PCDHGA8: variants seen among roughly 807,000 people sequenced by gnomAD.
The protein encoded by PCDHGA8 is protocadherin gamma-A8.
In PCDHGA8, 45 loss-of-function variants were observed where a neutral mutation model predicts 59.2. That is an observed-to-expected ratio of 0.76 (90% confidence interval 0.60 to 0.98). The LOEUF (loss-of-function observed/expected upper bound fraction) is 0.98. Ranked by LOEUF, PCDHGA8 falls within the 50% of genes least tolerant of loss-of-function variation. The probability of loss-of-function intolerance (pLI) is 0.00; values close to 1 mark genes in which losing one functional copy is unlikely to be tolerated. For synonymous variants in PCDHGA8, 531 were observed against 519.0 expected, an observed-to-expected ratio of 1.02 and a Z score of -0.32; for missense variants, 1,257 against 1,196.2, an observed-to-expected ratio of 1.05 and a Z score of -0.75.
At position 141,505,383 on chromosome 5, in the gene PCDHGA8, C is replaced by G. The variant is rs369765886; in HGVS notation, c.2484-10C>G. On this transcript the variant is annotated splice_polypyrimidine_tract_variant and intron_variant, in intron 2 of 3. Transcript: ENST00000398604. ...GGGAGTCTGTGCTCACCATCCTACT[C>G]TCTCCCCAGCTCCCAAAATGGCGAT... The G allele has an allele frequency of 6.2e-7, 1 of 1,613,944 alleles. No homozygotes were observed. The highest frequency in any genetic ancestry group is 1.3e-5 in the African/African-American group (1 of 74,914).
rs781550738 is a variant in PCDHGA8 at position 141,487,383 on chromosome 5, C to A, written c.2425-7424C>A. On this transcript the variant is annotated intron_variant, in intron 1 of 3. Transcript: ENST00000398604. This position sits in a 1 kb window ranked among gnomAD's most constrained non-coding sequence, Gnocchi z 5.0. Reference sequence around the variant, plus strand: ...GGCACCTGTGCCTGTCTCACCAGATCTCGAAGGAGGGAGGGGCTTCCCCCT... The same window carrying A: ...GGCACCTGTGCCTGTCTCACCAGATATCGAAGGAGGGAGGGGCTTCCCCCT... The A allele has an allele frequency of 3.7e-6, 6 of 1,614,196 alleles. No individual in the cohort carries two copies. The South Asian group carries it at 6.6e-5, about 18-fold the overall frequency.
intron 3 of PCDHGA8, among the ~76,000 whole-genome samples, chr5:141,510,329 A>G (rs1433056614): frequency 6.7e-6 from 1 of 150,230 alleles, no homozygotes; most frequent in South Asian, 2.1e-4. Context: ...AGCACTCTTC[A>G]CCCCCACCCC....
intron 1 of PCDHGA8, chr5:141,409,850 G>T (rs1301108879): frequency 6.2e-7 from 1 of 1,612,142 alleles, no homozygotes; most frequent in South Asian, 1.1e-5. Context: ...GAGCCTGCGC[G>T]TGTTGGTGGG....
In PCDHGA8 at chr5:141,462,417, A is replaced by G. The variant is rs184240612; in HGVS notation, c.2425-32390A>G. 4.0e-4 allele frequency among the ~76,000 whole-genome samples: 61 copies of G among 152,300 alleles called. 1 individual carries two copies. The highest frequency in any genetic ancestry group is 3.2e-3 in the Admixed American group (49 of 15,300). ...TCTTTTATGGCACAGAATATGGTCT[A>G]TCTTGGTGAGTGTTGCTTACACACA... On this transcript the variant is annotated intron_variant, in intron 1 of 3. Transcript: ENST00000398604.
At chr5:141,507,429 G>C (rs1191174823) in intron 3 of PCDHGA8, 3 of 152,238 alleles carry the variant, frequency 2.0e-5, no homozygotes, top group African/African-American at 7.2e-5. Flanking sequence ...AGTGGGGCCA[G>C]GCCTACAGCT....
At chr5:141,415,754 T>TTTG (rs2095935149) in intron 1 of PCDHGA8, 3 of 1,385,710 alleles carry the variant, frequency 2.2e-6, no homozygotes, top group African/African-American at 1.5e-5. Context: ...TTTTTTTTTT[T>TTTG]TTTTTTTTTT....
chr5:141,421,787 C>A (rs753196648), intron 1 of PCDHGA8: 1 of 1,613,812 alleles, frequency 6.2e-7, no homozygotes, highest in East Asian at 2.2e-5. Flanking sequence ...CGGGGCAGAA[C>A]GGATGGGGCC....
At chr5:141,488,069 C>T (rs1197698273) in intron 1 of PCDHGA8, among the ~76,000 whole-genome samples, 1 of 152,072 alleles carries the variant, frequency 6.6e-6, no homozygotes, top group Non-Finnish European at 1.5e-5. Context: ...ATCTTTGTCT[C>T]CCAGTATCTA....
chr5:141,491,233 G>T lies in PCDHGA8; in HGVS notation c.2425-3574G>T. 1 of 1,614,224 alleles carries T rather than the reference G, an allele frequency of 6.2e-7. No homozygotes were observed. The highest frequency in any genetic ancestry group is 2.2e-5 in the East Asian group (1 of 44,890). On this transcript the variant is annotated intron_variant, in intron 1 of 3. Transcript: ENST00000398604. The surrounding 1 kb of genome is among the most constrained non-coding windows in gnomAD (Gnocchi z 6.9). ...CTCCTCCACAGCCACAGTGCTGCTG[G>T]TTCTGGAGGATGAGGACCCTGAGGA...
intron 1 of PCDHGA8, among the ~76,000 whole-genome samples, chr5:141,467,055 C>CTTTTTTTTTTTTTTTTTTT (rs1193465269): frequency 7.4e-6 from 1 of 134,498 alleles, no homozygotes; most frequent in Non-Finnish European, 1.6e-5. Context: ...TCAATGTTTT[C>CTTTTTTTTTTTTTTTTTTT]TTTTTTTTTT....
rs9324852 is a variant in PCDHGA8, at chr5:141,510,333, C to T, written c.2573-614C>T. On this transcript the variant is annotated intron_variant, in intron 3 of 3. Coordinates refer to ENST00000398604, the MANE Select transcript of PCDHGA8 (RefSeq NM_032088.2). ...AGGCTTGGAAGAGCACTCTTCACCC[C>T]CACCCCACACACTTACTAACGGAAC... Among the ~76,000 whole-genome samples the T allele has an allele frequency of 2.4e-3, 367 of 151,698 alleles. 1 individual carries two copies. Among genetic ancestry groups the T allele is most frequent in the African/African-American group, 8.4e-3 (348 of 41,384 alleles).
At chr5:141,492,423 G>C (rs1164828445) in intron 1 of PCDHGA8, among the ~76,000 whole-genome samples, 1 of 152,222 alleles carries the variant, frequency 6.6e-6, no homozygotes, top group African/African-American at 2.4e-5. Context: ...CCCTCCGCCG[G>C]GCTCAGGAGT....
intron 1 of PCDHGA8, among the ~76,000 whole-genome samples, chr5:141,437,623 T>G (rs887878119): frequency 3.3e-5 from 5 of 152,172 alleles, no homozygotes; most frequent in Non-Finnish European, 7.4e-5. Context: ...TATCCCCATA[T>G]AAGATGTCAG....
intron 3 of PCDHGA8, among the ~76,000 whole-genome samples, chr5:141,510,556 T>TA (rs2099881668): frequency 6.6e-6 from 1 of 152,178 alleles, no homozygotes; most frequent in African/African-American, 2.4e-5. Flanking sequence ...TTTGAGCACT[T>TA]ACATCTACCA....
At chr5:141,467,099 C>T (rs2099136810) in intron 1 of PCDHGA8, among the ~76,000 whole-genome samples, 1 of 149,976 alleles carries the variant, frequency 6.7e-6, no homozygotes, top group Admixed American at 6.7e-5. Context: ...GTCACACAGG[C>T]TGGAGTACAA....
rs746408347 is a variant in PCDHGA8 at position 141,486,293 on chromosome 5, G to A, written c.2425-8514G>A. ...TGGCACTGTGGTGGCACTTATCAGT[G>A]TGCAGGATCCAGACTCAGGGTCAAA... On this transcript the variant is annotated intron_variant, in intron 1 of 3. Transcript: ENST00000398604. This position sits in a 1 kb window ranked among gnomAD's most constrained non-coding sequence, Gnocchi z 5.0. The A allele has an allele frequency of 3.1e-6, 5 of 1,614,018 alleles. No homozygotes were observed. In the Admixed American group the frequency reaches 8.3e-5, roughly 27 times the overall value.
intron 3 of PCDHGA8, among the ~76,000 whole-genome samples, 188 bp from the exon 4 acceptor site, chr5:141,510,759 G>A (rs1026623444): frequency 6.6e-5 from 10 of 152,172 alleles, no homozygotes; most frequent in African/African-American, 2.4e-4. Context: ...TCTCACTCCA[G>A]AGCCTCTTAA....
At chr5:141,445,269 C>A (rs535300313) in intron 1 of PCDHGA8, among the ~76,000 whole-genome samples, 1 of 152,260 alleles carries the variant, frequency 6.6e-6, no homozygotes, top group Non-Finnish European at 1.5e-5. Flanking sequence ...AAGTCGAAAC[C>A]ACTCTGCATA....
intron 1 of PCDHGA8, among the ~76,000 whole-genome samples, chr5:141,438,587 CATACATAT>C (rs1166583123): frequency 1.2e-4 from 9 of 73,430 alleles, no homozygotes; most frequent in Non-Finnish European, 1.6e-4. Flanking sequence ...TACATACATA[CATACATAT>C]ATATATATAT....
Sources: gnomAD v4.1 joint callset for allele counts (sites outside exome capture counted in the v4.1 genomes callset) on GRCh38, gnomAD v4.1.1 for gene constraint, Gnocchi (gnomAD v3.1) non-coding constraint, MANE v1.5 for transcripts, NCBI Gene and HGNC (gene_info 2026-07-23, HGNC 2026-07-21) for gene names.